The following DPP6 variants were observed in gnomAD, a reference collection of about 807,000 sequenced individuals.
The protein encoded by DPP6 is A-type potassium channel modulatory protein DPP6.
In DPP6, 69 loss-of-function variants were observed where a neutral mutation model predicts 122.6. That is an observed-to-expected ratio of 0.56 (90% CI 0.46 to 0.69). The LOEUF is 0.69. DPP6 is among the 30% of genes least tolerant of loss of function. The pLI is 0.00. For missense variants in DPP6, 928 were observed against 1,116.9 expected (o/e 0.83, Z 2.41); for synonymous variants, 418 against 433.1 (o/e 0.97, Z 0.43).
chr7:154,135,892 A>T (rs560080253), intron 1 of DPP6, among the ~76,000 whole-genome samples: 69 of 150,014 alleles, frequency 4.6e-4, no homozygotes, highest in African/African-American at 1.6e-3. Flanking sequence ...GTGAGTGTAC[A>T]CTTCTTATGA....
chr7:154,390,900 A>C (rs1409015670), intron 1 of DPP6, among the ~76,000 whole-genome samples: 1 of 152,098 alleles, frequency 6.6e-6, no homozygotes, highest in Non-Finnish European at 1.5e-5. Flanking sequence ...CGAGTCTCAA[A>C]CACATGATTT....
chr7:154,017,708 T>G (rs75984905), intron 1 of DPP6, among the ~76,000 whole-genome samples: 2 of 52,998 alleles, frequency 3.8e-5, no homozygotes, highest in South Asian at 5.5e-4. Flanking sequence ...CTAAAAAAAA[T>G]AAAAAAAAAA....
chr7:154,063,696 C>T (rs1260548663), intron 1 of DPP6, among the ~76,000 whole-genome samples: 1 of 146,706 alleles, frequency 6.8e-6, no homozygotes, highest in African/African-American at 2.6e-5. Flanking sequence ...GAGGCACCTC[C>T]CGTGAGGTGG....
chr7:153,911,876 G>C (rs1800106330), intron 1 of DPP6, among the ~76,000 whole-genome samples: 1 of 152,184 alleles, frequency 6.6e-6, no homozygotes, highest in South Asian at 2.1e-4. Context: ...GTTTAGCATA[G>C]TTTGTGCAAT....
the DPP6 span, among the ~76,000 whole-genome samples, chr7:153,827,901 C>T: frequency 1.3e-5 from 2 of 152,208 alleles, no homozygotes; most frequent in African/African-American, 2.4e-5. Flanking sequence ...GCCCCCTACC[C>T]TCCACTGGGG....
At chr7:154,108,372 G>C (rs1448099480) in intron 1 of DPP6, among the ~76,000 whole-genome samples, 1 of 152,154 alleles carries the variant, frequency 6.6e-6, no homozygotes, top group Non-Finnish European at 1.5e-5. Context: ...GTCATGAATG[G>C]ATACACAGTC....
intron 1 of DPP6, among the ~76,000 whole-genome samples, chr7:154,165,071 A>G (rs1425937764): frequency 6.6e-6 from 1 of 151,114 alleles, no homozygotes. Context: ...TTAGTTACAT[A>G]TGTATACATG....
intron 8 of DPP6, among the ~76,000 whole-genome samples, chr7:154,763,323 C>T (rs1482982706): frequency 2.0e-5 from 3 of 147,700 alleles, no homozygotes; most frequent in African/African-American, 7.6e-5. Context: ...TAGATCGAGA[C>T]TCCATCTCAA....
chr7:154,256,225 A>G (rs938666247), intron 1 of DPP6, among the ~76,000 whole-genome samples: 1 of 152,240 alleles, frequency 6.6e-6, no homozygotes, highest in African/African-American at 2.4e-5. Flanking sequence ...GGCTTTTAAA[A>G]AAGTCCAGTA....
chr7:154,577,785 C>T (rs902157061), intron 5 of DPP6, among the ~76,000 whole-genome samples: 1 of 152,296 alleles, frequency 6.6e-6, no homozygotes, highest in South Asian at 2.1e-4. Flanking sequence ...TCAATTCCGA[C>T]GTAGCTGGCC....
At chr7:154,541,794 A>T (rs543846112) in intron 4 of DPP6, among the ~76,000 whole-genome samples, 14 of 152,190 alleles carry the variant, frequency 9.2e-5, no homozygotes, top group Non-Finnish European at 1.5e-4. Flanking sequence ...GTTGTAAAAA[A>T]AATTAACCGG....
chr7:154,015,040 C>T (rs191236360), intron 1 of DPP6, among the ~76,000 whole-genome samples: 13 of 152,082 alleles, frequency 8.5e-5, no homozygotes, highest in East Asian at 3.9e-4. Context: ...TTCTCATTGA[C>T]GTACTTGCTT....
intron 1 of DPP6, among the ~76,000 whole-genome samples, chr7:154,031,802 A>G: frequency 6.6e-6 from 1 of 150,428 alleles, no homozygotes; most frequent in East Asian, 1.9e-4. Flanking sequence ...TCAAATTTGC[A>G]TTGTTTATCA....
At chr7:153,827,669 A>T in the DPP6 span, among the ~76,000 whole-genome samples, 2 of 152,132 alleles carry the variant, frequency 1.3e-5, no homozygotes, top group Non-Finnish European at 2.9e-5. Context: ...AACAAGGACC[A>T]CATAGGACAC....
chr7:153,942,317 T>C (rs1417006901), intron 1 of DPP6, among the ~76,000 whole-genome samples: 1 of 152,212 alleles, frequency 6.6e-6, no homozygotes, highest in African/African-American at 2.4e-5. Context: ...GCATTTAAAC[T>C]GCACACTTCA....
chr7:153,792,608 C>T, the DPP6 span, among the ~76,000 whole-genome samples: 1,759 of 151,058 alleles, frequency 0.012, 23 homozygotes, highest in African/African-American at 0.041. Flanking sequence ...ACAAATTTGT[C>T]CACTTTGTTG....
chr7:154,505,686 G>A (rs1423539447), intron 3 of DPP6, among the ~76,000 whole-genome samples: 1 of 152,176 alleles, frequency 6.6e-6, no homozygotes, highest in Non-Finnish European at 1.5e-5. Flanking sequence ...GCTTTGGGAG[G>A]AAGACTACAG....
At chr7:154,637,741 G>A (rs1319938640) in intron 5 of DPP6, 80 bp from the exon 6 acceptor site, 10 of 1,426,350 alleles carry the variant, frequency 7.0e-6, no homozygotes, top group Non-Finnish European at 9.5e-6. Flanking sequence ...ATGTTTGTTA[G>A]GATTCACAGT....
intron 7 of DPP6, among the ~76,000 whole-genome samples, chr7:154,708,513 C>T (rs895694643): frequency 1.2e-4 from 18 of 152,220 alleles, no homozygotes; most frequent in African/African-American, 4.3e-4. Flanking sequence ...GTTCTTTGAT[C>T]GATCTGTTTG....
Sources: gnomAD v4.1 joint callset for allele counts (sites outside exome capture counted in the v4.1 genomes callset) on GRCh38, gnomAD v4.1.1 for gene constraint, MANE v1.5 for transcripts, NCBI Gene and HGNC (gene_info 2026-07-23, HGNC 2026-07-21) for gene names.